The following SLC4A7 variants were observed in gnomAD, a reference collection of about 807,000 sequenced individuals.
The protein encoded by SLC4A7 is solute carrier family 4 member 7.
Under a neutral mutation model 137.6 loss-of-function variants are expected in SLC4A7, and 51 were observed. The observed-to-expected ratio is 0.37, with a 90% CI of 0.30 to 0.47. The LOEUF (loss-of-function observed/expected upper bound fraction) is 0.47, where lower values mean the gene tolerates loss of function less well. Among genes scored for constraint, SLC4A7 ranks in the 20% least tolerant of loss-of-function variants. The pLI, the probability that SLC4A7 is intolerant of heterozygous loss-of-function variation, is 1.00. For synonymous variants in SLC4A7, 542 were observed against 518.6 expected (o/e 1.05, Z -0.61); for missense variants, 1,247 against 1,525.4 (o/e 0.82, Z 3.04).
chr3:27,397,568 C>G, intron 18 of SLC4A7, 116 bp downstream of exon 18: 1 of 638,778 alleles, frequency 1.6e-6, no homozygotes, highest in Non-Finnish European at 2.8e-6. Context: ...TTCAAAGCAT[C>G]AGCCCTTCAA....
At chr3:27,459,963 A>C (rs2058601684) in intron 1 of SLC4A7, among the ~76,000 whole-genome samples, 1 of 128,326 alleles carries the variant, frequency 7.8e-6, no homozygotes, top group Non-Finnish European at 1.6e-5. Flanking sequence ...TCCACATCTC[A>C]GTGTTATTTA....
intron 7 of SLC4A7, among the ~76,000 whole-genome samples, chr3:27,427,678 T>A (rs2055787087): frequency 6.6e-6 from 1 of 152,118 alleles, no homozygotes; most frequent in Non-Finnish European, 1.5e-5. Context: ...CATTAGAGTT[T>A]CTAGATGCTT....
intron 3 of SLC4A7, among the ~76,000 whole-genome samples, chr3:27,446,141 A>AT (rs1231991376): frequency 5.9e-4 from 89 of 149,714 alleles, no homozygotes; most frequent in East Asian, 2.0e-3. Flanking sequence ...TATATATATA[A>AT]AAATCATACT....
intron 2 of SLC4A7, among the ~76,000 whole-genome samples, chr3:27,449,009 A>C (rs79415974): frequency 6.6e-6 from 1 of 152,198 alleles, no homozygotes; most frequent in Admixed American, 6.5e-5. Context: ...TAAATCTACA[A>C]ATCACTTATG....
At chr3:27,380,264 A>C (rs1022729424) in intron 24 of SLC4A7, among the ~76,000 whole-genome samples, 1 of 150,372 alleles carries the variant, frequency 6.7e-6, no homozygotes, top group African/African-American at 2.5e-5. Flanking sequence ...TCGAGATTGC[A>C]CCACTGCACT....
intron 11 of SLC4A7, 89 bp from the exon 12 acceptor site, chr3:27,411,837 TATTG>T: frequency 1.9e-6 from 1 of 515,390 alleles, no homozygotes; most frequent in East Asian, 3.5e-5. Context: ...TCAGATTTTA[TATTG>T]ATTATGTATC....
At chr3:27,433,380 C>G (rs2056476422) in intron 6 of SLC4A7, among the ~76,000 whole-genome samples, 1 of 152,128 alleles carries the variant, frequency 6.6e-6, no homozygotes, top group Non-Finnish European at 1.5e-5. Flanking sequence ...CATTAGGACA[C>G]CAACAGAGGT....
rs1470779856 is a variant in SLC4A7 at position 27,373,863 on chromosome 3, A to C, written c.*2901T>G. The C allele has an allele frequency of 6.6e-6, 1 of 152,616 alleles. No homozygotes were observed. The highest frequency in any genetic ancestry group is 2.4e-5 in the African/African-American group (1 of 41,476). 9.5% of individuals were successfully genotyped at this position (152,616 alleles called of 1,614,324 possible). A position where few individuals can be genotyped will look rare whatever the true frequency, so the allele number is the denominator to read the frequency against. ...ATTAGCACATAAAATATTTCGTCCTAGACATCTTTACAGAAGACTTGGCAA... is the reference window on the plus strand; with the variant it reads ...ATTAGCACATAAAATATTTCGTCCTCGACATCTTTACAGAAGACTTGGCAA... On this transcript the variant is annotated 3_prime_UTR_variant, in exon 26 of 26. Coordinates refer to ENST00000454389, the MANE Select transcript of SLC4A7 (RefSeq NM_001321103.2).
intron 21 of SLC4A7, among the ~76,000 whole-genome samples, chr3:27,390,828 T>C (rs1051422569): frequency 3.3e-5 from 5 of 152,088 alleles, no homozygotes; most frequent in African/African-American, 1.2e-4. Flanking sequence ...TGTGTGTTTG[T>C]TTGTTTGTTT....
At chr3:27,446,035 T>TATTCTC (rs2057601354) in intron 3 of SLC4A7, among the ~76,000 whole-genome samples, 1 of 141,764 alleles carries the variant, frequency 7.1e-6, no homozygotes, top group South Asian at 2.3e-4. Context: ...TAATTATGTG[T>TATTCTC]ATTCTCACTA....
In SLC4A7 at chr3:27,436,411, G is replaced by T; in HGVS notation, c.566C>A (p.Ala189Glu). 1 of 1,612,548 alleles carries T rather than the reference G, an allele frequency of 6.2e-7. No individual in the cohort carries two copies. Residue 189 changes from alanine to glutamate, a missense_variant, in exon 5 of 26, where the codon GCA becomes GAA. Ala to Glu is a moderately radical substitution (Grantham distance 107). Coordinates refer to ENST00000454389, the MANE Select transcript of SLC4A7 (RefSeq NM_001321103.2). Reference protein sequence around the residue: ...LNGTVMLDMRASTLDEIADMV... With the variant: ...LNGTVMLDMRESTLDEIADMV... ...ACCTGCTATTTCATCTAGAGTGCTTGCTCTCATATCCAGCATGACTGTTCC... is the reference window on the plus strand; with the variant it reads ...ACCTGCTATTTCATCTAGAGTGCTTTCTCTCATATCCAGCATGACTGTTCC...
Position 27,437,393 on chromosome 3 carries a change from A to T in SLC4A7, c.423T>A (p.Thr141=). The stretch of plus-strand genomic sequence containing the variant: ...GAGAGACTTAGCAGTATTACCTAGC[A>T]GTTTCTTTCCATTCATATTCTTCTC... ...RDGEEYEWKE[T]ARWLKFEEDV... is the part of the protein sequence containing the mutation. The change falls in exon 4 of 26, where the codon ACT becomes ACA. Residue 141 remains threonine, a synonymous_variant. Coordinates refer to ENST00000454389, the MANE Select transcript of SLC4A7 (RefSeq NM_001321103.2). The T allele has an allele frequency of 1.3e-6, 2 of 1,571,934 alleles. No individual in the cohort carries two copies. Among genetic ancestry groups the T allele is most frequent in the South Asian group, 2.4e-5 (2 of 83,542 alleles).
chr3:27,385,787 G>T, intron 23 of SLC4A7, 105 bp downstream of exon 23: 2 of 751,558 alleles, frequency 2.7e-6, no homozygotes, highest in Non-Finnish European at 4.2e-6. Context: ...TTCTTAGAAG[G>T]ATGAAAGGAA....
At chr3:27,448,965 G>A (rs2057873796) in intron 2 of SLC4A7, among the ~76,000 whole-genome samples, 168 bp from the exon 3 acceptor site, 1 of 152,094 alleles carries the variant, frequency 6.6e-6, no homozygotes, top group African/African-American at 2.4e-5. Flanking sequence ...AGAATATTGT[G>A]CCCAGGGCTA....
chr3:27,431,994 CAATA>C (rs1301936469), intron 6 of SLC4A7, among the ~76,000 whole-genome samples: 3 of 152,056 alleles, frequency 2.0e-5, no homozygotes, highest in Non-Finnish European at 4.4e-5. Flanking sequence ...ACTGCTTAAA[CAATA>C]AATAGCAAAT....
intron 9 of SLC4A7, among the ~76,000 whole-genome samples, chr3:27,421,216 T>C (rs1020746195): frequency 1.3e-5 from 2 of 151,960 alleles, no homozygotes; most frequent in South Asian, 2.1e-4. Context: ...AAATGAGATT[T>C]TGGCTGGGCA....
intron 17 of SLC4A7, 124 bp from the exon 18 acceptor site, chr3:27,397,921 A>G (rs937720947): frequency 3.0e-5 from 19 of 638,226 alleles, no homozygotes; most frequent in African/African-American, 2.2e-4. Flanking sequence ...ACTAGTGACA[A>G]TGTTAACAGT....
Position 27,376,735 on chromosome 3 carries a change from C to T in SLC4A7, c.*29G>A. 8.0e-7 allele frequency: 1 copy of T among 1,243,562 alleles called. No individual in the cohort carries two copies. The allele number at this position is 1,243,562 out of a possible 1,614,324, so 77.0% of individuals were successfully genotyped here. On this transcript the variant is annotated 3_prime_UTR_variant, in exon 26 of 26. Coordinates refer to ENST00000454389, the MANE Select transcript of SLC4A7 (RefSeq NM_001321103.2). ...ACGCACACATTACATATGTATATATCTATATGTATAATGCCTCTTGGTTCA... is the reference window on the plus strand; with the variant it reads ...ACGCACACATTACATATGTATATATTTATATGTATAATGCCTCTTGGTTCA...
At chr3:27,377,099 G>A (rs1310954247) in intron 25 of SLC4A7, among the ~76,000 whole-genome samples, 2 of 151,824 alleles carry the variant, frequency 1.3e-5, no homozygotes, top group Non-Finnish European at 2.9e-5. Context: ...ACTAAAGAGG[G>A]GGTCCTTAAA....
Sources: gnomAD v4.1 joint callset for allele counts (sites outside exome capture counted in the v4.1 genomes callset) on GRCh38, gnomAD v4.1.1 for gene constraint, MANE v1.5 for transcripts, NCBI Gene and HGNC (gene_info 2026-07-23, HGNC 2026-07-21) for gene names.